Variants in DNAAF4 observed in about 807,000 individuals in gnomAD.
The protein encoded by DNAAF4 is dynein assembly factor 4, axonemal.
A neutral mutation model predicts 51.8 loss-of-function variants in DNAAF4; 43 were observed. The observed-to-expected ratio is 0.83, with a 90% CI of 0.65 to 1.07. DNAAF4 has a LOEUF of 1.07. DNAAF4 is among the 50% of genes least tolerant of loss of function. The pLI is 0.00. For synonymous variants in DNAAF4, 194 were observed against 165.6 expected, an observed-to-expected ratio of 1.17 and a Z score of -1.32; for missense variants, 581 against 493.0, an observed-to-expected ratio of 1.18 and a Z score of -1.69.
rs146167981 is a variant in DNAAF4, at chr15:55,481,791, G to C, written c.405+9332C>G. On this transcript the variant is annotated intron_variant, in intron 4 of 9. Transcript: ENST00000321149. ...AACTAGCAGCTGGCTTATTGGAATT[G>C]GGCCAAAAGAAAAACCCCACCTCTC... is the stretch of plus-strand genomic sequence containing the variant. Among the ~76,000 whole-genome samples the C allele has an allele frequency of 5.1e-4, 78 of 152,260 alleles. 2 individuals are homozygous for C. The East Asian group carries it at 7.5e-3, about 15-fold the overall frequency.
chr15:55,486,194 GTT>G (rs750587912), intron 4 of DNAAF4, among the ~76,000 whole-genome samples: 7 of 131,466 alleles, frequency 5.3e-5, no homozygotes, highest in Admixed American at 1.5e-4. Context: ...TGGTTGGTTG[GTT>G]TTTTTTTTTT....
intron 6 of DNAAF4, among the ~76,000 whole-genome samples, chr15:55,448,171 T>C (rs1224636465): frequency 1.3e-5 from 2 of 152,146 alleles, no homozygotes; most frequent in East Asian, 3.9e-4. Context: ...GAGATAATCA[T>C]GCGGTTTTTA....
At chr15:55,456,266 G>C (rs1358298734) in intron 5 of DNAAF4, among the ~76,000 whole-genome samples, 1 of 151,942 alleles carries the variant, frequency 6.6e-6, no homozygotes, top group Non-Finnish European at 1.5e-5. Flanking sequence ...ATTTTTAGTA[G>C]AGACAGGGTT....
intron 4 of DNAAF4, among the ~76,000 whole-genome samples, chr15:55,477,209 G>A (rs980790053): frequency 3.9e-5 from 6 of 152,014 alleles, no homozygotes; most frequent in Admixed American, 6.6e-5. Flanking sequence ...TCTGGAGATG[G>A]TTAGTAGTGA....
Position 55,498,593 on chromosome 15 carries a change from G to GAAAAAAAAAAAAAAAAAAAAA in DNAAF4, c.-255-10_-255-9insTTTTTTTTTTTTTTTTTTTTT, listed in dbSNP as rs3049057. 4.8e-4 allele frequency: 36 copies of GAAAAAAAAAAAAAAAAAAAAA among 74,622 alleles called. 3 individuals are homozygous for GAAAAAAAAAAAAAAAAAAAAA. The highest frequency in any genetic ancestry group is 1.9e-3 in the African/African-American group (33 of 17,194). The allele number at this position is 74,622 out of a possible 1,614,324, so 4.6% of individuals were successfully genotyped here. A position where few individuals can be genotyped will look rare whatever the true frequency, so the allele number is the denominator to read the frequency against. On this transcript the variant is annotated splice_polypyrimidine_tract_variant and intron_variant, in intron 1 of 9. Coordinates refer to ENST00000321149, the MANE Select transcript of DNAAF4 (RefSeq NM_130810.4). ...AAGTAGACCCATACCCTCTGCTTGA[G>GAAAAAAAAAAAAAAAAAAAAA]AAAAAAAAAAAAAAAAAAAAGCACT...
At chr15:55,423,638 T>C (rs138897172) in intron 7 of DNAAF4, among the ~76,000 whole-genome samples, 84 of 152,302 alleles carry the variant, frequency 5.5e-4, no homozygotes, top group African/African-American at 1.9e-3. Flanking sequence ...AGAGTCATGT[T>C]AGTCCTTAAT....
chr15:55,451,479 G>A (rs1372471205), intron 5 of DNAAF4, among the ~76,000 whole-genome samples: 1 of 152,060 alleles, frequency 6.6e-6, no homozygotes, highest in Non-Finnish European at 1.5e-5. Flanking sequence ...CATCTTTTGT[G>A]AATACATTAC....
At chr15:55,460,825 C>T (rs895125594) in intron 5 of DNAAF4, among the ~76,000 whole-genome samples, 1 of 146,728 alleles carries the variant, frequency 6.8e-6, no homozygotes, top group African/African-American at 2.5e-5. Context: ...AGTGCAGTGG[C>T]GTGATCTCGA....
chr15:55,458,826 C>T (rs147595470), intron 5 of DNAAF4, among the ~76,000 whole-genome samples: 5,780 of 152,158 alleles, frequency 0.038, 115 homozygotes, highest in African/African-American at 0.056. Context: ...GTAATCTCAG[C>T]ACTTTGGGAG....
intron 5 of DNAAF4, among the ~76,000 whole-genome samples, chr15:55,462,902 G>A (rs2058113644): frequency 6.6e-6 from 1 of 152,184 alleles, no homozygotes; most frequent in African/African-American, 2.4e-5. Flanking sequence ...CGAGTGTGGT[G>A]GCTCATGCCT....
At chr15:55,488,387 A>G (rs1306702965) in intron 4 of DNAAF4, among the ~76,000 whole-genome samples, 1 of 152,198 alleles carries the variant, frequency 6.6e-6, no homozygotes, top group Non-Finnish European at 1.5e-5. Flanking sequence ...ATTTATGCTA[A>G]CTTAAGCTAA....
chr15:55,432,458 T>C (rs750223270), intron 9 of DNAAF4, 39 bp downstream of exon 9: 2 of 1,518,810 alleles, frequency 1.3e-6, no homozygotes, highest in South Asian at 1.2e-5. Context: ...TTTTTCAGAG[T>C]ATAACTTGGG....
chr15:55,485,667 G>A (rs1438501994), intron 4 of DNAAF4, among the ~76,000 whole-genome samples: 2 of 152,066 alleles, frequency 1.3e-5, no homozygotes, highest in Non-Finnish European at 2.9e-5. Context: ...AGATAGAAGT[G>A]GGTAATGTAC....
At chr15:55,478,463 T>C (rs926671619) in intron 4 of DNAAF4, among the ~76,000 whole-genome samples, 1 of 152,144 alleles carries the variant, frequency 6.6e-6, no homozygotes, top group African/African-American at 2.4e-5. Context: ...CAGGTCAACC[T>C]GCTAGCATGG....
chr15:55,443,507 T>C (rs1340258977), intron 6 of DNAAF4: 1 of 482,188 alleles, frequency 2.1e-6, no homozygotes, highest in African/African-American at 1.9e-5. Context: ...GCAATAAACA[T>C]ACATGTGCAT....
At chr15:55,428,717 G>A (rs1023945772), downstream of DNAAF4, among the ~76,000 whole-genome samples, 5 of 149,310 alleles carry the variant, frequency 3.3e-5, no homozygotes, top group South Asian at 2.1e-4. Context: ...GGATAGTCTC[G>A]ATCTCCTGAC....
In DNAAF4 at chr15:55,435,154, C is replaced by G. The variant is rs1174252097; in HGVS notation, c.894-96G>C. On this transcript the variant is annotated intron_variant, in intron 7 of 9. Coordinates refer to ENST00000321149, the MANE Select transcript of DNAAF4 (RefSeq NM_130810.4). ...GTATTTGACAAAGAGGATGGCTTAC[C>G]TCTTTTTGCATTCTCTTTAGGGTAA... 7.5e-6 allele frequency: 10 copies of G among 1,331,876 alleles called. No homozygotes were observed. In the East Asian group the frequency reaches 2.4e-4, roughly 32 times the overall value. 82.5% of individuals were successfully genotyped at this position (1,331,876 alleles called of 1,614,324 possible).
In DNAAF4 at chr15:55,449,695, G is replaced by GTTTTTT. The variant is rs1195492282; in HGVS notation, c.783+526_783+527insAAAAAA. Among the ~76,000 whole-genome samples the GTTTTTT allele has an allele frequency of 2.3e-4, 8 of 35,292 alleles. 1 individual carries two copies. Among genetic ancestry groups the GTTTTTT allele is most frequent in the Non-Finnish European group, 1.5e-4 (3 of 20,218 alleles). The allele number at this position is 35,292 out of a possible 152,430, so 23.2% of individuals were successfully genotyped here. On this transcript the variant is annotated intron_variant, in intron 6 of 9. Coordinates refer to ENST00000321149, the MANE Select transcript of DNAAF4 (RefSeq NM_130810.4). ...AACAAACAACAACAACAAAAAGACC[G>GTTTTTT]CTTTTTTTTTTTTTTTTTTTTGATT... is the stretch of plus-strand genomic sequence containing the variant.
At chr15:55,483,879 A>G (rs2058448722) in intron 4 of DNAAF4, among the ~76,000 whole-genome samples, 1 of 127,510 alleles carries the variant, frequency 7.8e-6, no homozygotes, top group Admixed American at 9.4e-5. Context: ...TTTAAGAGAA[A>G]GCATAGGCCA....
Sources: gnomAD v4.1 joint callset for allele counts (sites outside exome capture counted in the v4.1 genomes callset) on GRCh38, gnomAD v4.1.1 for gene constraint, MANE v1.5 for transcripts, NCBI Gene and HGNC (gene_info 2026-07-23, HGNC 2026-07-21) for gene names.